C1QA: variants seen among roughly 807,000 people sequenced by gnomAD.
C1QA encodes complement C1q A chain, also known as complement C1q subcomponent subunit A.
Under a neutral mutation model 6.9 loss-of-function variants are expected in C1QA, and 3 were observed. The ratio of observed to expected loss-of-function variants is 0.44; its 90% CI spans 0.20 to 1.12. C1QA has a LOEUF of 1.12. Among genes scored for constraint, C1QA ranks in the 50% most tolerant of loss-of-function variants. The pLI is 0.27. For synonymous variants in C1QA, 128 were observed against 134.1 expected (o/e 0.95, Z 0.31); for missense variants, 273 against 326.6 (o/e 0.84, Z 1.26).
chr1:22,638,761 G>A (rs1642218862), intron 2 of C1QA, 72 bp from the exon 3 acceptor site: 10 of 1,503,374 alleles, frequency 6.7e-6, no homozygotes, highest in African/African-American at 1.4e-5. Context: ...ATAGACTCAG[G>A]GGGTCCAGCT....
In C1QA at chr1:22,637,848, G is replaced by A. The variant is rs1241911350; in HGVS notation, c.163+69G>A. 4 of 1,480,960 alleles carry A rather than the reference G, an allele frequency of 2.7e-6. No homozygotes were observed. The African/African-American group carries it at 4.2e-5, about 15-fold the overall frequency. 91.7% of individuals were successfully genotyped at this position (1,480,960 alleles called of 1,614,324 possible). A position where few individuals can be genotyped will look rare whatever the true frequency, so the allele number is the denominator to read the frequency against. ...GACTTGGCCTCCAGGGTGAAGGCTT[G>A]GGGTGGCACTGAGAATCAGGAGTCC... On this transcript the variant is annotated intron_variant, in intron 2 of 2. Transcript: ENST00000374642. This position sits in a 1 kb window ranked among gnomAD's most constrained non-coding sequence, Gnocchi z 4.4.
rs955367413 is a variant in C1QA at position 22,637,833 on chromosome 1, C to G, written c.163+54C>G. The stretch of plus-strand genomic sequence containing the variant: ...CTTGGACCTTGGCCTGACTTGGCCT[C>G]CAGGGTGAAGGCTTGGGGTGGCACT... On this transcript the variant is annotated intron_variant, in intron 2 of 2. Transcript: ENST00000374642. The surrounding 1 kb of genome is among the most constrained non-coding windows in gnomAD (Gnocchi z 4.4). 4.6e-6 allele frequency: 7 copies of G among 1,513,802 alleles called. No individual in the cohort carries two copies. The highest frequency in any genetic ancestry group is 6.2e-6 in the Non-Finnish European group (7 of 1,126,392). 93.8% of individuals were successfully genotyped at this position (1,513,802 alleles called of 1,614,324 possible). A position where few individuals can be genotyped will look rare whatever the true frequency, so the allele number is the denominator to read the frequency against.
At chr1:22,638,327 G>A (rs1218947422) in intron 2 of C1QA, among the ~76,000 whole-genome samples, 1 of 152,156 alleles carries the variant, frequency 6.6e-6, no homozygotes, top group East Asian at 1.9e-4. Flanking sequence ...TCAGGCTTCA[G>A]AGACTCACAT....
rs1642201995 is a variant in C1QA, at chr1:22,637,622, GGGTC to G, written c.7_10del (p.Gly3ProfsTer18). The stretch of plus-strand genomic sequence containing the variant: ...CGTGTCTCCACAGAGGCATCATGGA[GGGTC>G]CCCGGGGATGGCTGGTGCTCTGTGT... On this transcript the variant is annotated frameshift_variant, in exon 2 of 3. Coordinates refer to ENST00000374642, the MANE Select transcript of C1QA (RefSeq NM_015991.4). LOFTEE classifies it high-confidence loss of function. The surrounding 1 kb of genome is among the most constrained non-coding windows in gnomAD (Gnocchi z 4.4). The G allele has an allele frequency of 1.9e-6, 3 of 1,614,050 alleles. No individual in the cohort carries two copies. The highest frequency in any genetic ancestry group is 2.5e-6 in the Non-Finnish European group (3 of 1,179,982).
rs551597885 is a variant in C1QA, at chr1:22,637,342, T to C, written c.-7-268T>C. On this transcript the variant is annotated intron_variant, in intron 1 of 2. Coordinates refer to ENST00000374642, the MANE Select transcript of C1QA (RefSeq NM_015991.4). This position sits in a 1 kb window ranked among gnomAD's most constrained non-coding sequence, Gnocchi z 4.4. ...ATTTCTGAGTTTGCCTACTGTGTTT[T>C]GTAGGTGCGTGGATGAGAGCTGTGT... 2.6e-5 allele frequency among the ~76,000 whole-genome samples: 4 copies of C among 152,260 alleles called. No homozygotes were observed. The highest frequency in any genetic ancestry group is 4.1e-4 in the South Asian group (2 of 4,820).
At position 22,639,081 on chromosome 1, in the gene C1QA, A is replaced by G. The variant is rs760737669; in HGVS notation, c.412A>G (p.Thr138Ala). The change falls in exon 3 of 3, where the codon ACC becomes GCC. Residue 138 changes from threonine (T) to alanine (A), a missense_variant. Coordinates refer to ENST00000374642, the MANE Select transcript of C1QA (RefSeq NM_015991.4). The surrounding 1 kb of genome is among the most constrained non-coding windows in gnomAD (Gnocchi z 4.6). Reference protein sequence around the residue: ...GNVVIFDTVITNQEEPYQNHS... With the variant: ...GNVVIFDTVIANQEEPYQNHS... Reference sequence around the variant, plus strand: ...CGTGGTCATCTTCGACACGGTCATCACCAACCAGGAAGAACCGTACCAGAA... The same window carrying G: ...CGTGGTCATCTTCGACACGGTCATCGCCAACCAGGAAGAACCGTACCAGAA... 1.1e-4 allele frequency: 173 copies of G among 1,614,056 alleles called. No individual in the cohort carries two copies. The highest frequency in any genetic ancestry group is 1.4e-4 in the Non-Finnish European group (167 of 1,180,038).
In C1QA at chr1:22,639,104, G is replaced by C; in HGVS notation, c.435G>C (p.Gln145His). The C allele has an allele frequency of 1.2e-6, 2 of 1,614,254 alleles. No homozygotes were observed. Among genetic ancestry groups the C allele is most frequent in the Non-Finnish European group, 1.7e-6 (2 of 1,180,040 alleles). ...TVITNQEEPY[Q>H]NHSGRFVCTV... ...TCACCAACCAGGAAGAACCGTACCA[G>C]AACCACTCCGGCCGATTCGTCTGCA... Residue 145 changes from glutamine to histidine, a missense_variant, in exon 3 of 3, where the codon CAG becomes CAC. Gln to His is a conservative substitution (Grantham distance 24). Coordinates refer to ENST00000374642, the MANE Select transcript of C1QA (RefSeq NM_015991.4). This position sits in a 1 kb window ranked among gnomAD's most constrained non-coding sequence, Gnocchi z 4.6.
rs1417911178 is a variant in C1QA, at chr1:22,637,122, G to A, written c.-8+420G>A. ...AGAGTGAGCAGGTGTCGCTTTGGGC[G>A]TTTGTGAATTCCTGTGTGTATGCAG... On this transcript the variant is annotated intron_variant, in intron 1 of 2. Coordinates refer to ENST00000374642, the MANE Select transcript of C1QA (RefSeq NM_015991.4). This position sits in a 1 kb window ranked among gnomAD's most constrained non-coding sequence, Gnocchi z 4.4. 2.0e-5 allele frequency among the ~76,000 whole-genome samples: 3 copies of A among 152,184 alleles called. No individual in the cohort carries two copies. Among genetic ancestry groups the A allele is most frequent in the African/African-American group, 4.8e-5 (2 of 41,426 alleles).
rs1228956595 is a variant in C1QA, at chr1:22,639,503, G to A, written c.*96G>A. 4.1e-6 allele frequency: 6 copies of A among 1,457,278 alleles called. No homozygotes were observed. The highest frequency in any genetic ancestry group is 1.2e-5 in the South Asian group (1 of 83,726). 90.3% of individuals were successfully genotyped at this position (1,457,278 alleles called of 1,614,324 possible). On this transcript the variant is annotated 3_prime_UTR_variant, in exon 3 of 3. Coordinates refer to ENST00000374642, the MANE Select transcript of C1QA (RefSeq NM_015991.4). This position sits in a 1 kb window ranked among gnomAD's most constrained non-coding sequence, Gnocchi z 4.6. Reference sequence around the variant, plus strand: ...TTGCTTCAGCTGCTGAAGGGAGGGGGCTGGCTCTGAGAGCCCCAGGACTGG... The same window carrying A: ...TTGCTTCAGCTGCTGAAGGGAGGGGACTGGCTCTGAGAGCCCCAGGACTGG...
In C1QA at chr1:22,637,508, G is replaced by A. The variant is rs1178366557; in HGVS notation, c.-7-102G>A. 7.1e-7 allele frequency: 1 copy of A among 1,413,212 alleles called. No homozygotes were observed. Among genetic ancestry groups the A allele is most frequent in the African/African-American group, 1.4e-5 (1 of 70,942 alleles). 87.5% of individuals were successfully genotyped at this position (1,413,212 alleles called of 1,614,324 possible). On this transcript the variant is annotated intron_variant, in intron 1 of 2. Transcript: ENST00000374642. This position sits in a 1 kb window ranked among gnomAD's most constrained non-coding sequence, Gnocchi z 4.4. ...AGCCCCAGAGGGTGCATGTGCACTTGGGGAGGACTGTGCATATATCATTGT... is the reference window on the plus strand; with the variant it reads ...AGCCCCAGAGGGTGCATGTGCACTTAGGGAGGACTGTGCATATATCATTGT...
chr1:22,639,311 G>A lies in C1QA; in HGVS notation c.642G>A (p.Gln214=), dbSNP rs372360743. The change falls in exon 3 of 3, where the codon CAG becomes CAA. Residue 214 remains glutamine, a synonymous_variant. Coordinates refer to ENST00000374642, the MANE Select transcript of C1QA (RefSeq NM_015991.4). The surrounding 1 kb of genome is among the most constrained non-coding windows in gnomAD (Gnocchi z 4.6). ...GMVLQLQQGD[Q]VWVEKDPKKG... is the part of the protein sequence containing the mutation. ...TGCTTCAGCTGCAGCAGGGTGACCA[G>A]GTCTGGGTTGAAAAAGACCCCAAAA... The A allele has an allele frequency of 1.9e-6, 3 of 1,614,052 alleles. No individual in the cohort carries two copies. The African/African-American group carries it at 4.0e-5, about 22-fold the overall frequency.
chr1:22,636,770 C>G (rs1642188064), intron 1 of C1QA, 68 bp downstream of exon 1: 1 of 152,450 alleles, frequency 6.6e-6, no homozygotes, highest in Non-Finnish European at 1.5e-5. Context: ...GCCCAGGAGG[C>G]TGGGCAGCTG....
In C1QA at chr1:22,637,627, C is replaced by G. The variant is rs149230484; in HGVS notation, c.11C>G (p.Pro4Arg). The G allele has an allele frequency of 5.2e-4, 843 of 1,613,938 alleles. No homozygotes were observed. The highest frequency in any genetic ancestry group is 6.6e-4 in the Non-Finnish European group (784 of 1,179,994). Residue 4 changes from proline (P) to arginine (R), a missense_variant, in exon 2 of 3, where the codon CCC becomes CGC. Pro to Arg is a moderately radical substitution (Grantham distance 103). Transcript: ENST00000374642. This position sits in a 1 kb window ranked among gnomAD's most constrained non-coding sequence, Gnocchi z 4.4. MEG[P>R]RGWLVLCVLA... is the part of the protein sequence containing the mutation. The stretch of plus-strand genomic sequence containing the variant: ...CTCCACAGAGGCATCATGGAGGGTC[C>G]CCGGGGATGGCTGGTGCTCTGTGTG...
At position 22,637,760 on chromosome 1, in the gene C1QA, G is replaced by A. The variant is rs1159488040; in HGVS notation, c.144G>A (p.Lys48=). 6 of 1,591,350 alleles carry A rather than the reference G, an allele frequency of 3.8e-6. No homozygotes were observed. Among genetic ancestry groups the A allele is most frequent in the Admixed American group, 1.8e-5 (1 of 55,418 alleles). Residue 48 remains lysine (K), a synonymous_variant, in exon 2 of 3, where the codon AAG becomes AAA. Transcript: ENST00000374642. This position sits in a 1 kb window ranked among gnomAD's most constrained non-coding sequence, Gnocchi z 4.4. ...GCAGACGGGGGCGGCCAGGCCTCAA[G>A]GGGGAGCAAGGGGAGCCGGGTAAGC... ...RPGRRGRPGL[K]GEQGEPGAPG... is the part of the protein sequence containing the mutation.
intron 2 of C1QA, among the ~76,000 whole-genome samples, chr1:22,638,603 C>T (rs1405169318): frequency 2.6e-5 from 4 of 152,224 alleles, no homozygotes; most frequent in African/African-American, 9.7e-5. Flanking sequence ...TTTCCCAGAA[C>T]CTGACACTTT....
chr1:22,639,342 C>A lies in C1QA; in HGVS notation c.673C>A (p.His225Asn), dbSNP rs762783042. ...VWVEKDPKKG[H>N]IYQGSEADSV... ...GGTTGAAAAAGACCCCAAAAAGGGT[C>A]ACATTTACCAGGGCTCTGAGGCCGA... Residue 225 changes from histidine to asparagine, a missense_variant, in exon 3 of 3, where the codon CAC becomes AAC. By Grantham distance (68) the His-to-Asn change is moderately conservative. Coordinates refer to ENST00000374642, the MANE Select transcript of C1QA (RefSeq NM_015991.4). This position sits in a 1 kb window ranked among gnomAD's most constrained non-coding sequence, Gnocchi z 4.6. The A allele has an allele frequency of 2.2e-5, 36 of 1,614,116 alleles. No homozygotes were observed. Among genetic ancestry groups the A allele is most frequent in the Non-Finnish European group, 2.8e-5 (33 of 1,180,012 alleles).
At position 22,639,114 on chromosome 1, in the gene C1QA, G is replaced by A. The variant is rs1043270464; in HGVS notation, c.445G>A (p.Gly149Ser). Residue 149 changes from glycine (G) to serine (S), a missense_variant, in exon 3 of 3, where the codon GGC becomes AGC. Coordinates refer to ENST00000374642, the MANE Select transcript of C1QA (RefSeq NM_015991.4). The surrounding 1 kb of genome is among the most constrained non-coding windows in gnomAD (Gnocchi z 4.6). ...GGAAGAACCGTACCAGAACCACTCC[G>A]GCCGATTCGTCTGCACTGTACCCGG... The part of the protein sequence containing the change: ...NQEEPYQNHS[G>S]RFVCTVPGYY... The A allele has an allele frequency of 1.2e-6, 2 of 1,614,106 alleles. No homozygotes were observed. Among genetic ancestry groups the A allele is most frequent in the Non-Finnish European group, 1.7e-6 (2 of 1,180,054 alleles).
In C1QA at chr1:22,639,021, T is replaced by C. The variant is rs1570073132; in HGVS notation, c.352T>C (p.Ser118Pro). 6.2e-7 allele frequency: 1 copy of C among 1,613,826 alleles called. No individual in the cohort carries two copies. The highest frequency in any genetic ancestry group is 8.5e-7 in the Non-Finnish European group (1 of 1,179,900). The change falls in exon 3 of 3, where the codon TCC (serine) becomes CCC (proline). Residue 118 changes from serine to proline, a missense_variant. Coordinates refer to ENST00000374642, the MANE Select transcript of C1QA (RefSeq NM_015991.4). The surrounding 1 kb of genome is among the most constrained non-coding windows in gnomAD (Gnocchi z 4.6). ...CAAGGACCAGCCGAGGCCAGCCTTC[T>C]CCGCCATTCGGCGGAACCCCCCAAT... is the stretch of plus-strand genomic sequence containing the variant. Reference protein sequence around the residue: ...NIKDQPRPAFSAIRRNPPMGG... With the variant: ...NIKDQPRPAFPAIRRNPPMGG...
Position 22,638,940 on chromosome 1 carries a change from C to G in C1QA, c.271C>G (p.Leu91Val), listed in dbSNP as rs567106778. The G allele has an allele frequency of 1.2e-6, 2 of 1,600,790 alleles. No homozygotes were observed. Among genetic ancestry groups the G allele is most frequent in the African/African-American group, 2.7e-5 (2 of 74,844 alleles). The change falls in exon 3 of 3, where the codon CTC becomes GTC. Residue 91 changes from leucine (L) to valine (V), a missense_variant. Physicochemically the swap from Leu to Val is conservative, Grantham distance 32 (BLOSUM62 1). Coordinates refer to ENST00000374642, the MANE Select transcript of C1QA (RefSeq NM_015991.4). Reference protein sequence around the residue: ...KVGYPGPSGPLGARGIPGIKG... With the variant: ...KVGYPGPSGPVGARGIPGIKG... ...GGGCTACCCAGGGCCCAGCGGCCCC[C>G]TCGGAGCCCGTGGCATCCCGGGAAT...
Sources: gnomAD v4.1 joint callset for allele counts (sites outside exome capture counted in the v4.1 genomes callset) on GRCh38, gnomAD v4.1.1 for gene constraint, Gnocchi (gnomAD v3.1) non-coding constraint, MANE v1.5 for transcripts, NCBI Gene and HGNC (gene_info 2026-07-23, HGNC 2026-07-21) for gene names.